The following ZNF717 variants were observed in gnomAD, a reference collection of about 807,000 sequenced individuals.
ZNF717 encodes krueppel-like factor X17.
A neutral mutation model predicts 13.8 loss-of-function variants in ZNF717; 9 were observed. That is an observed-to-expected ratio of 0.65 (90% CI 0.39 to 1.14). The LOEUF is 1.14. Ranked by LOEUF, ZNF717 falls within the 50% of genes most tolerant of loss-of-function variation. The pLI is 0.01. For missense variants in ZNF717, 1,040 were observed against 1,080.7 expected (o/e 0.96, Z 0.53); for synonymous variants, 327 against 364.1 (o/e 0.90, Z 1.16).
intron 5 of ZNF717, among the ~76,000 whole-genome samples, chr3:75,711,569 G>C (rs1248023029): frequency 3.8e-4 from 58 of 152,264 alleles, no homozygotes; most frequent in South Asian, 2.7e-3. Flanking sequence ...GCTGAGGCAG[G>C]TAGATCACTT....
chr3:75,696,629 A>T (rs1191656277), intron 6 of ZNF717, among the ~76,000 whole-genome samples: 8 of 151,906 alleles, frequency 5.3e-5, no homozygotes, highest in African/African-American at 1.9e-4. Context: ...ACAATGGCTC[A>T]CGCCTGTAAT....
Position 75,741,600 on chromosome 3 carries a change from T to A in ZNF717, c.184+10A>T. 2 of 1,592,500 alleles carry A rather than the reference T, an allele frequency of 1.3e-6. No individual in the cohort carries two copies. Among genetic ancestry groups the A allele is most frequent in the Non-Finnish European group, 1.7e-6 (2 of 1,168,782 alleles). ...TACAATCCTGGGAGTTACTGGCAAG[T>A]TTCACTCACCCAATGATACCAGGCT... On this transcript the variant is annotated intron_variant, in intron 3 of 4. Coordinates refer to ENST00000652011, the MANE Select transcript of ZNF717 (RefSeq NM_001290208.3).
rs1477636945 is a variant in ZNF717 at position 75,722,856 on chromosome 3, T to C, written n.545-6315A>G. 3.9e-5 allele frequency among the ~76,000 whole-genome samples: 6 copies of C among 152,116 alleles called. No individual in the cohort carries two copies. The South Asian group carries it at 1.2e-3, about 32-fold the overall frequency. On this transcript the variant is annotated intron_variant and non_coding_transcript_variant, in intron 4 of 5. Transcript: ENST00000491507. ...ATTTTTGGCCAACTATTGTTCTTCT[T>C]CTTTGATCTCCAAAGAAATGCTTTA...
intron 2 of ZNF717, among the ~76,000 whole-genome samples, chr3:75,769,247 C>T (rs747209890): frequency 6.6e-5 from 10 of 152,116 alleles, no homozygotes; most frequent in Non-Finnish European, 1.0e-4. Flanking sequence ...TGGACACACA[C>T]CCTGGGAGAA....
At chr3:75,715,469 T>G (rs1347471821) in intron 5 of ZNF717, among the ~76,000 whole-genome samples, 3,103 of 152,340 alleles carry the variant, frequency 0.02, 32 homozygotes, top group Non-Finnish European at 0.031. Flanking sequence ...TTTGACCTGT[T>G]TGATCTGAGA....
In ZNF717 at chr3:75,738,051, GAC is replaced by G. The variant is rs1939684810; in HGVS notation, c.1570_1571del (p.Val524ProfsTer14). ...KTFRCKSFLT[V>X]HQRTHAGEKP... ...TTTCCCCAGCATGAGTTCTCTGATG[GAC>G]AGTGAGGAATGACTTACAGCGAAAG... On this transcript the variant is annotated frameshift_variant, in exon 5 of 5. Transcript: ENST00000652011. LOFTEE classifies it low-confidence loss of function (END_TRUNC). The G allele has an allele frequency of 6.0e-6, 8 of 1,342,632 alleles. No homozygotes were observed. The East Asian group carries it at 2.2e-4, about 38-fold the overall frequency. 83.2% of individuals were successfully genotyped at this position (1,342,632 alleles called of 1,614,324 possible).
At chr3:75,768,623 A>T (rs1191496340) in intron 2 of ZNF717, among the ~76,000 whole-genome samples, 1 of 146,282 alleles carries the variant, frequency 6.8e-6, no homozygotes, top group East Asian at 2.1e-4. Context: ...ATGACAGCCC[A>T]CCACAACCTG....
intron 2 of ZNF717, among the ~76,000 whole-genome samples, chr3:75,782,119 A>C (rs1944869480): frequency 6.6e-6 from 1 of 152,184 alleles, no homozygotes; most frequent in Non-Finnish European, 1.5e-5. Flanking sequence ...CGGATACGAC[A>C]GTTTCAACTA....
downstream of ZNF717, among the ~76,000 whole-genome samples, chr3:75,727,494 G>A (rs1459222906): frequency 6.6e-6 from 1 of 152,088 alleles, no homozygotes; most frequent in Non-Finnish European, 1.5e-5. Context: ...TAATATCCTG[G>A]GAAAGGAATG....
At chr3:75,695,641 G>A (rs1937594819) in intron 6 of ZNF717, among the ~76,000 whole-genome samples, 1 of 152,270 alleles carries the variant, frequency 6.6e-6, no homozygotes, top group Admixed American at 6.5e-5. Flanking sequence ...TGACTACAGG[G>A]AATGAAATTA....
At chr3:75,734,690 C>T (rs1364120098), downstream of ZNF717, among the ~76,000 whole-genome samples, 4 of 151,736 alleles carry the variant, frequency 2.6e-5, no homozygotes, top group African/African-American at 9.7e-5. Flanking sequence ...CCACCTCGGC[C>T]TCCCAAAGTC....
At chr3:75,779,903 C>T (rs1337262178) in intron 2 of ZNF717, among the ~76,000 whole-genome samples, 1 of 151,504 alleles carries the variant, frequency 6.6e-6, no homozygotes, top group African/African-American at 2.4e-5. Context: ...AAACCAGAAA[C>T]CCAAAACAAC....
At chr3:75,716,004 C>T (rs1306547975) in intron 5 of ZNF717, among the ~76,000 whole-genome samples, 2 of 149,622 alleles carry the variant, frequency 1.3e-5, no homozygotes, top group Non-Finnish European at 3.0e-5. Flanking sequence ...TGGATTCTTG[C>T]TCTATCACCA....
intron 2 of ZNF717, among the ~76,000 whole-genome samples, chr3:75,767,966 G>A (rs1012800212): frequency 9.2e-5 from 14 of 152,016 alleles, no homozygotes; most frequent in Non-Finnish European, 1.5e-4. Context: ...GTTGGTCAAC[G>A]GCAACCCAGG....
At chr3:75,746,956 G>A (rs1256045215) in intron 2 of ZNF717, among the ~76,000 whole-genome samples, 10 of 152,246 alleles carry the variant, frequency 6.6e-5, no homozygotes, top group Middle Eastern at 3.4e-3. Flanking sequence ...TGTCTTGAAT[G>A]GTATTGACTA....
chr3:75,718,649 A>G (rs1428351773), intron 4 of ZNF717, among the ~76,000 whole-genome samples: 1 of 152,166 alleles, frequency 6.6e-6, no homozygotes, highest in Non-Finnish European at 1.5e-5. Context: ...TGCAGGATGA[A>G]ATTTTTCCAC....
At chr3:75,744,212 GA>G (rs1231247307) in intron 2 of ZNF717, among the ~76,000 whole-genome samples, 7 of 152,182 alleles carry the variant, frequency 4.6e-5, no homozygotes, top group Admixed American at 6.5e-5. Flanking sequence ...TAGTCCTGTG[GA>G]AAAAAATCCT....
At chr3:75,756,740 T>A (rs1942523396) in intron 2 of ZNF717, among the ~76,000 whole-genome samples, 2 of 152,208 alleles carry the variant, frequency 1.3e-5, no homozygotes, top group African/African-American at 4.8e-5. Context: ...AATGGCGCGA[T>A]CTCGGCTCAT....
Position 75,739,325 on chromosome 3 carries a change from G to A in ZNF717, c.298C>T (p.Leu100Phe), listed in dbSNP as rs1182450676. The part of the protein sequence containing the change: ...RLSAVQIIDD[L>F]IERSHESHDR... ...TGACTTTCATGGCTCCTTTCAATAA[G>A]GTCATCAATGATCTGGACAGCTGAA... is the stretch of plus-strand genomic sequence containing the variant. Residue 100 changes from leucine (L) to phenylalanine (F), a missense_variant, in exon 5 of 5, where the codon CTT (leucine) becomes TTT (phenylalanine). By Grantham distance (22) the Leu-to-Phe change is conservative. This residue lies in a region of ZNF717 where 123 missense variants were observed against 177.8 expected (regional missense o/e 0.69). Transcript: ENST00000652011. 26 of 1,482,734 alleles carry A rather than the reference G, an allele frequency of 1.8e-5. No individual in the cohort carries two copies. The highest frequency in any genetic ancestry group is 1.1e-4 in the African/African-American group (8 of 70,936). 91.8% of individuals were successfully genotyped at this position (1,482,734 alleles called of 1,614,324 possible).
Sources: gnomAD v4.1 joint callset for allele counts (sites outside exome capture counted in the v4.1 genomes callset) on GRCh38, gnomAD v4.1.1 for gene constraint, gnomAD v4.1.1 regional missense constraint, MANE v1.5 for transcripts, NCBI Gene and HGNC (gene_info 2026-07-23, HGNC 2026-07-21) for gene names.